Variants in RCBTB2 observed in about 807,000 individuals in gnomAD.
The protein encoded by RCBTB2 is RCC1 and BTB domain-containing protein 2.
A neutral mutation model predicts 65.4 loss-of-function variants in RCBTB2; 55 were observed. That is an observed-to-expected ratio of 0.84 (90% CI 0.68 to 1.05). The LOEUF (loss-of-function observed/expected upper bound fraction) is 1.05, where lower values mean the gene tolerates loss of function less well. Among genes scored for constraint, RCBTB2 ranks in the 50% least tolerant of loss-of-function variants. The pLI is 0.00. For synonymous variants in RCBTB2, 220 were observed against 255.2 expected, an observed-to-expected ratio of 0.86 and a Z score of 1.31; for missense variants, 599 against 680.1, an observed-to-expected ratio of 0.88 and a Z score of 1.33.
chr13:48,530,975 A>C (rs1952084753), intron 1 of RCBTB2, among the ~76,000 whole-genome samples: 1 of 152,194 alleles, frequency 6.6e-6, no homozygotes, highest in Non-Finnish European at 1.5e-5. Context: ...CCCATGTTAA[A>C]CATCACCTTT....
intron 4 of RCBTB2, among the ~76,000 whole-genome samples, chr13:48,519,536 G>A (rs148275628): frequency 7.8e-4 from 118 of 152,224 alleles, no homozygotes; most frequent in African/African-American, 2.7e-3. Flanking sequence ...ACTGGCTACT[G>A]GGATTCCAAT....
intron 1 of RCBTB2, among the ~76,000 whole-genome samples, chr13:48,527,238 G>A (rs1951790580): frequency 6.8e-6 from 1 of 147,216 alleles, no homozygotes. Context: ...TAGGATGACA[G>A]TAATATTATC....
intron 4 of RCBTB2, among the ~76,000 whole-genome samples, chr13:48,516,749 C>T (rs536283742): frequency 7.2e-5 from 11 of 152,120 alleles, no homozygotes; most frequent in Non-Finnish European, 1.3e-4. Context: ...ATTAAGATCA[C>T]GAGCACCCAC....
At position 48,493,309 on chromosome 13, in the gene RCBTB2, A is replaced by ACTCTCTCTCTCTCTCTCTCT. The variant is rs1429120157; in HGVS notation, c.1515+2881_1515+2882insAGAGAGAGAGAGAGAGAGAG. Among the ~76,000 whole-genome samples the ACTCTCTCTCTCTCTCTCTCT allele has an allele frequency of 2.9e-4, 14 of 47,918 alleles. No homozygotes were observed. In the East Asian group the frequency reaches 5.0e-3, roughly 17 times the overall value. 31.4% of individuals were successfully genotyped at this position (47,918 alleles called of 152,430 possible). A position where few individuals can be genotyped will look rare whatever the true frequency, so the allele number is the denominator to read the frequency against. On this transcript the variant is annotated intron_variant, in intron 14 of 14. Coordinates refer to ENST00000344532, the MANE Select transcript of RCBTB2 (RefSeq NM_001268.4). ...TCTCTCCACACACACACACACACAC[A>ACTCTCTCTCTCTCTCTCTCT]CACACACTCTCTCTCTCTCTCTCTC...
At chr13:48,527,361 T>TTATATAGGATATATA (rs1951843948) in intron 1 of RCBTB2, among the ~76,000 whole-genome samples, 1 of 112,446 alleles carries the variant, frequency 8.9e-6, no homozygotes, top group South Asian at 2.5e-4. Context: ...TGATATATAT[T>TTATATAGGATATATA]TATATATGAT....
At chr13:48,524,026 A>G (rs1019910788) in intron 2 of RCBTB2, among the ~76,000 whole-genome samples, 1 of 152,196 alleles carries the variant, frequency 6.6e-6, no homozygotes, top group African/African-American at 2.4e-5. Flanking sequence ...GTCCTTCAAG[A>G]TTTAAAAATA....
At chr13:48,497,849 CTTCA>C (rs1435774083) in intron 13 of RCBTB2, among the ~76,000 whole-genome samples, 2 of 152,142 alleles carry the variant, frequency 1.3e-5, no homozygotes, top group Non-Finnish European at 2.9e-5. Context: ...TTGTGAATGG[CTTCA>C]TTGTTTTTGG....
chr13:48,518,470 A>ATAT (rs1448523661), intron 4 of RCBTB2, among the ~76,000 whole-genome samples: 27 of 130,830 alleles, frequency 2.1e-4, no homozygotes, highest in Middle Eastern at 3.8e-3. Context: ...AAAAAAAAAA[A>ATAT]AAATATATAT....
At chr13:48,529,469 C>G (rs1315780521) in intron 1 of RCBTB2, among the ~76,000 whole-genome samples, 2 of 152,168 alleles carry the variant, frequency 1.3e-5, no homozygotes, top group Non-Finnish European at 2.9e-5. Flanking sequence ...CATACTATCT[C>G]CTACTGGTAC....
chr13:48,496,326 C>T lies in RCBTB2; in HGVS notation c.1385-5G>A, dbSNP rs372400393. On this transcript the variant is annotated splice_region_variant and splice_polypyrimidine_tract_variant and intron_variant, in intron 13 of 14. Transcript: ENST00000344532. Reference sequence around the variant, plus strand: ...ATGTAGCCAAGTCTAGCAGTCCTGGCGGAAAGAGGTGTTTATTAGGGGGAG... The same window carrying T: ...ATGTAGCCAAGTCTAGCAGTCCTGGTGGAAAGAGGTGTTTATTAGGGGGAG... 1.8e-5 allele frequency: 28 copies of T among 1,547,960 alleles called. No individual in the cohort carries two copies. The highest frequency in any genetic ancestry group is 1.7e-4 in the Middle Eastern group (1 of 5,804).
At chr13:48,521,469 T>G (rs1951420109) in intron 4 of RCBTB2, among the ~76,000 whole-genome samples, 3 of 152,350 alleles carry the variant, frequency 2.0e-5, no homozygotes, top group Non-Finnish European at 4.4e-5. Flanking sequence ...GTTGGTTGAC[T>G]GTCATGTTCA....
chr13:48,523,208 G>A (rs1005380942), intron 2 of RCBTB2, among the ~76,000 whole-genome samples: 4 of 152,154 alleles, frequency 2.6e-5, no homozygotes, highest in African/African-American at 7.2e-5. Context: ...CATCTTAGCA[G>A]ATCTGTTAAA....
intron 9 of RCBTB2, 129 bp from the exon 10 acceptor site, chr13:48,510,900 T>A: frequency 1.1e-6 from 1 of 886,358 alleles, no homozygotes; most frequent in Non-Finnish European, 1.7e-6. Flanking sequence ...AGGCAAGCAT[T>A]AAGTTAACCA....
intron 13 of RCBTB2, among the ~76,000 whole-genome samples, chr13:48,498,833 G>C (rs1950093634): frequency 6.6e-6 from 1 of 151,976 alleles, no homozygotes; most frequent in South Asian, 2.1e-4. Flanking sequence ...CCTCACCTCA[G>C]TGCCATTAAG....
intron 10 of RCBTB2, among the ~76,000 whole-genome samples, chr13:48,506,014 A>T (rs1264784060): frequency 1.3e-5 from 2 of 152,246 alleles, no homozygotes. Flanking sequence ...TGTGGCCCTG[A>T]CTACAAGTCT....
At chr13:48,505,463 A>C (rs1469667043) in intron 10 of RCBTB2, among the ~76,000 whole-genome samples, 1 of 152,274 alleles carries the variant, frequency 6.6e-6, no homozygotes, top group Non-Finnish European at 1.5e-5. Context: ...TGTGCAAAAG[A>C]ACCGTGCCAG....
Position 48,510,750 on chromosome 13 carries a change from T to C in RCBTB2, c.805A>G (p.Thr269Ala). The stretch of plus-strand genomic sequence containing the variant: ...TGGCCTTCATCTGTTAATACTAATG[T>C]GTGTGCGTAGCCACAGGCGACCTGG... Reference protein sequence around the residue: ...VQRVACGYAHTLVLTDEGQVY... With the variant: ...VQRVACGYAHALVLTDEGQVY... The change falls in exon 10 of 15, where the codon ACA (threonine) becomes GCA (alanine). Residue 269 changes from threonine (T) to alanine (A), a missense_variant. By Grantham distance (58) the Thr-to-Ala change is moderately conservative. Transcript: ENST00000344532. 2 of 1,613,342 alleles carry C rather than the reference T, an allele frequency of 1.2e-6. No homozygotes were observed. The highest frequency in any genetic ancestry group is 1.7e-6 in the Non-Finnish European group (2 of 1,179,440).
At chr13:48,527,335 ATGATATATATATATATGATATATATT>A (rs1218476295) in intron 1 of RCBTB2, among the ~76,000 whole-genome samples, 4 of 128,610 alleles carry the variant, frequency 3.1e-5, no homozygotes, top group African/African-American at 1.7e-4. Flanking sequence ...ATATATATAT[ATGATATATATATATATGATATATATT>A]TATATATGAT....
chr13:48,526,579 T>C (rs951710549), intron 1 of RCBTB2, among the ~76,000 whole-genome samples: 7 of 152,036 alleles, frequency 4.6e-5, no homozygotes, highest in Non-Finnish European at 7.4e-5. Context: ...ATCGCACCAC[T>C]GCACATTAGC....
Sources: gnomAD v4.1 joint callset for allele counts (sites outside exome capture counted in the v4.1 genomes callset) on GRCh38, gnomAD v4.1.1 for gene constraint, MANE v1.5 for transcripts, NCBI Gene and HGNC (gene_info 2026-07-23, HGNC 2026-07-21) for gene names.